The following RELN variants were observed in gnomAD, a reference collection of about 807,000 sequenced individuals.
RELN encodes reelin.
Under a neutral mutation model 427.6 loss-of-function variants are expected in RELN, and 108 were observed. The observed-to-expected ratio is 0.25, with a 90% CI of 0.22 to 0.30. RELN has a LOEUF of 0.30. Ranked by LOEUF, RELN falls within the 10% of genes least tolerant of loss-of-function variation. The probability of loss-of-function intolerance (pLI) is 1.00; values close to 1 mark genes in which losing one functional copy is unlikely to be tolerated. For missense variants in RELN, 3,715 were observed against 4,302.8 expected (o/e 0.86, Z 3.82); for synonymous variants, 1,524 against 1,513.4 (o/e 1.01, Z -0.16).
intron 16 of RELN, among the ~76,000 whole-genome samples, chr7:103,647,138 A>G (rs1196926338): frequency 5.9e-5 from 9 of 152,080 alleles, no homozygotes. Flanking sequence ...ACTCCCTCTA[A>G]GAACTGGAAC....
At chr7:103,704,009 C>T (rs1187163984) in intron 8 of RELN, among the ~76,000 whole-genome samples, 2 of 152,196 alleles carry the variant, frequency 1.3e-5, no homozygotes, top group Admixed American at 1.3e-4. Flanking sequence ...GAGGAGCCCA[C>T]ACAGTCAAAG....
chr7:103,711,157 T>C (rs1239555798), intron 8 of RELN, among the ~76,000 whole-genome samples: 1 of 152,254 alleles, frequency 6.6e-6, no homozygotes, highest in African/African-American at 2.4e-5. Context: ...TTGTATTTCT[T>C]GATTTTGTGA....
At position 103,651,770 on chromosome 7, in the gene RELN, T is replaced by C. The variant is rs1165784081; in HGVS notation, c.1783A>G (p.Thr595Ala). 6.2e-7 allele frequency: 1 copy of C among 1,611,562 alleles called. No homozygotes were observed. Among genetic ancestry groups the C allele is most frequent in the African/African-American group, 1.3e-5 (1 of 74,740 alleles). Reference sequence around the variant, plus strand: ...AGGGACCAGGAGCGCCCATGGTTGGTAGAAAATTCCAAGCTGACACTAATA... The same window carrying C: ...AGGGACCAGGAGCGCCCATGGTTGGCAGAAAATTCCAAGCTGACACTAATA... ...PGNSVSLEFS[T>A]NHGRSWSLLH... Residue 595 changes from threonine to alanine, a missense_variant, in exon 15 of 65, where the codon ACC becomes GCC. Thr to Ala is a moderately conservative substitution (Grantham distance 58). Around this residue, in one of 4 missense-constraint regions of RELN, gnomAD observed 2,208 missense variants for 2,361.7 expected, o/e 0.93. Transcript: ENST00000428762.
chr7:103,515,238 G>C lies in RELN; in HGVS notation c.8066C>G (p.Ala2689Gly), dbSNP rs762107181. The C allele has an allele frequency of 2.5e-6, 4 of 1,614,072 alleles. No homozygotes were observed. In the Admixed American group the frequency reaches 5.0e-5, roughly 20 times the overall value. Residue 2689 changes from alanine to glycine, a missense_variant, in exon 50 of 65, where the codon GCC (alanine) becomes GGC (glycine). Physicochemically the swap from Ala to Gly is moderately conservative, Grantham distance 60. Around this residue, in one of 4 missense-constraint regions of RELN, gnomAD observed 1,310 missense variants for 1,643.0 expected, o/e 0.80. Transcript: ENST00000428762. ...VPQHERSPAD[A>G]GPVGRIAFDM... ...AAAGGCGATCCTCCCGACAGGGCCG[G>C]CATCTGCAGGGGAGCGCTCATGCTG... is the stretch of plus-strand genomic sequence containing the variant.
intron 60 of RELN, among the ~76,000 whole-genome samples, chr7:103,488,417 G>C (rs1325764207): frequency 6.6e-6 from 1 of 152,138 alleles, no homozygotes; most frequent in East Asian, 1.9e-4. Context: ...CATTTGACTA[G>C]AGTTAAAATT....
At chr7:103,576,547 T>C (rs1478757351) in intron 28 of RELN, among the ~76,000 whole-genome samples, 1 of 152,240 alleles carries the variant, frequency 6.6e-6, no homozygotes, top group Non-Finnish European at 1.5e-5. Flanking sequence ...TATTTCACCC[T>C]TCTATCACAC....
intron 20 of RELN, among the ~76,000 whole-genome samples, chr7:103,627,092 A>T (rs1832344821): frequency 6.6e-6 from 1 of 152,130 alleles, no homozygotes; most frequent in South Asian, 2.1e-4. Flanking sequence ...ATGAGTTAGA[A>T]AATGAGAACC....
At chr7:103,923,838 A>G (rs1795667812) in intron 1 of RELN, among the ~76,000 whole-genome samples, 1 of 152,182 alleles carries the variant, frequency 6.6e-6, no homozygotes, top group Non-Finnish European at 1.5e-5. Flanking sequence ...TTACCCTCAG[A>G]TTTAATACAC....
intron 38 of RELN, among the ~76,000 whole-genome samples, chr7:103,556,316 C>T (rs1031505012): frequency 3.9e-5 from 6 of 151,906 alleles, no homozygotes; most frequent in African/African-American, 1.2e-4. Context: ...TGATGAGTGC[C>T]TAATGATAAT....
intron 1 of RELN, among the ~76,000 whole-genome samples, chr7:103,942,644 T>C (rs1366198414): frequency 6.6e-6 from 1 of 152,192 alleles, no homozygotes; most frequent in Non-Finnish European, 1.5e-5. Flanking sequence ...CTGGGTGTGG[T>C]GGCTCATGCC....
At chr7:103,877,830 C>CTTCTTCCT (rs1332589639) in intron 2 of RELN, among the ~76,000 whole-genome samples, 2 of 149,108 alleles carry the variant, frequency 1.3e-5, no homozygotes, top group Non-Finnish European at 3.0e-5. Flanking sequence ...CCTCCTTCTT[C>CTTCTTCCT]TTCTTCCTTT....
At chr7:103,669,322 G>T (rs77774060) in intron 11 of RELN, among the ~76,000 whole-genome samples, 1,604 of 152,268 alleles carry the variant, frequency 0.011, 34 homozygotes, top group African/African-American at 0.036. Flanking sequence ...CAAAAGTCCT[G>T]TTGCTTTGAA....
chr7:103,721,853 T>G (rs1790083992), intron 8 of RELN, among the ~76,000 whole-genome samples: 1 of 152,190 alleles, frequency 6.6e-6, no homozygotes, highest in Admixed American at 6.5e-5. Flanking sequence ...TTTATTGTGA[T>G]TAAGAGGCTC....
chr7:103,733,337 A>T (rs1226053518), intron 6 of RELN, among the ~76,000 whole-genome samples: 11 of 147,766 alleles, frequency 7.4e-5, no homozygotes, highest in African/African-American at 2.0e-4. Context: ...TTTACACTGT[A>T]GGTGGGACTG....
In RELN at chr7:103,848,663, C is replaced by A. The variant is rs183207544; in HGVS notation, c.338-14991G>T. On this transcript the variant is annotated intron_variant, in intron 2 of 64. Transcript: ENST00000428762. ...GTGTAAACTAGGTGACACGCCTTCA[C>A]CCCAGAAAGGAAGGAACTATGGGAA... is the stretch of plus-strand genomic sequence containing the variant. Among the ~76,000 whole-genome samples, 17 of 152,200 alleles carry A rather than the reference C, an allele frequency of 1.1e-4. 1 individual carries two copies. In the East Asian group the frequency reaches 3.3e-3, roughly 29 times the overall value.
At chr7:103,534,199 T>C (rs1014088317) in intron 46 of RELN, among the ~76,000 whole-genome samples, 17 of 152,332 alleles carry the variant, frequency 1.1e-4, no homozygotes, top group South Asian at 6.2e-4. Context: ...AAAACAATAA[T>C]AAGCCCAAAC....
intron 11 of RELN, among the ~76,000 whole-genome samples, chr7:103,680,028 G>GAATA (rs1175116790): frequency 2.2e-4 from 33 of 152,218 alleles, no homozygotes; most frequent in African/African-American, 7.0e-4. Flanking sequence ...TTTGCTAATA[G>GAATA]AATAAACTAA....
chr7:103,510,465 C>A (rs1164067531), intron 51 of RELN, among the ~76,000 whole-genome samples: 1 of 152,006 alleles, frequency 6.6e-6, no homozygotes, highest in African/African-American at 2.4e-5. Flanking sequence ...GGGAGAGGAA[C>A]ATCACGCACT....
chr7:103,500,952 A>G (rs1241904414), intron 52 of RELN, 30 bp from the exon 53 acceptor site: 2 of 1,609,832 alleles, frequency 1.2e-6, no homozygotes, highest in African/African-American at 2.7e-5. Context: ...AAAGGAGTGA[A>G]AAACAAAAGT....
Sources: allele counts gnomAD v4.1 joint callset (sites outside exome capture counted in the v4.1 genomes callset), GRCh38; gene constraint gnomAD v4.1.1; regional missense constraint gnomAD v4.1.1; transcripts MANE v1.5; gene names NCBI Gene and HGNC (gene_info 2026-07-23, HGNC 2026-07-21).